The following GOLGA8A variants were observed in gnomAD, a reference collection of about 807,000 sequenced individuals.
GOLGA8A encodes golgin subfamily A member 8A.
GOLGA8A carries 3 observed loss-of-function variants against 22.1 expected under a neutral mutation model. The ratio of observed to expected loss-of-function variants is 0.14; its 90% CI spans 0.06 to 0.35. GOLGA8A has a LOEUF of 0.35. GOLGA8A is among the 10% of genes least tolerant of loss of function. The probability of loss-of-function intolerance (pLI) is 1.00; values close to 1 mark genes in which losing one functional copy is unlikely to be tolerated. For missense variants in GOLGA8A, 16 were observed against 233.2 expected, an observed-to-expected ratio of 0.07 and a Z score of 6.07; for synonymous variants, 7 against 91.7, an observed-to-expected ratio of 0.08 and a Z score of 5.28.
chr15:34,431,442 T>C (rs1324818669), intron 2 of GOLGA8A, among the ~76,000 whole-genome samples: 2 of 146,846 alleles, frequency 1.4e-5, no homozygotes, highest in Non-Finnish European at 3.0e-5. Flanking sequence ...CAGGGATGTA[T>C]TCTGAGAAAT....
intron 2 of GOLGA8A, chr15:34,418,510 T>C (rs1892664700): frequency 6.9e-6 from 1 of 144,048 alleles, no homozygotes; most frequent in African/African-American, 2.5e-5. Flanking sequence ...AGGAAAAGGG[T>C]GTGAGGTCTT....
rs1180599815 is a variant in GOLGA8A, at chr15:34,420,550, C to T, written c.-1122-12815G>A. Reference sequence around the variant, plus strand: ...GAGGATGGAGGTGTCACTGCAAATGCGTAAGAGGATATTTTCAGCAATAGT... The same window carrying T: ...GAGGATGGAGGTGTCACTGCAAATGTGTAAGAGGATATTTTCAGCAATAGT... On this transcript the variant is annotated intron_variant, in intron 2 of 24. Coordinates refer to ENST00000359187, the MANE Select transcript of GOLGA8A (RefSeq NM_181077.5). 1.1e-4 allele frequency among the ~76,000 whole-genome samples: 15 copies of T among 137,464 alleles called. 1 individual carries two copies. The highest frequency in any genetic ancestry group is 4.1e-4 in the African/African-American group (15 of 36,700). 90.2% of individuals were successfully genotyped at this position (137,464 alleles called of 152,430 possible).
chr15:34,418,826 G>T, intron 2 of GOLGA8A: 1 of 146,810 alleles, frequency 6.8e-6, no homozygotes. Flanking sequence ...AGGCGGTTGA[G>T]TTTAGCCCCA....
intron 1 of GOLGA8A, among the ~76,000 whole-genome samples, chr15:34,435,995 TG>T (rs1275664402): frequency 6.7e-6 from 1 of 149,116 alleles, no homozygotes; most frequent in Non-Finnish European, 1.5e-5. Flanking sequence ...GCCCAGGCTG[TG>T]GGGGAAGGCA....
chr15:34,417,898 T>C (rs1348893097), intron 2 of GOLGA8A: 1 of 142,994 alleles, frequency 7.0e-6, no homozygotes, highest in Non-Finnish European at 1.5e-5. Flanking sequence ...TGATGGGAGG[T>C]GCTATTGGCA....
chr15:34,430,108 AC>A lies in GOLGA8A; in HGVS notation c.-1123+5274del. On this transcript the variant is annotated intron_variant, in intron 2 of 24. Coordinates refer to ENST00000359187, the MANE Select transcript of GOLGA8A (RefSeq NM_181077.5). ...CACCAGTCCTCAGTGCTGATTAAGC[AC>A]AGGCACGCCTGTGATCAAGAAGAAA... 1.3e-5 allele frequency among the ~76,000 whole-genome samples: 2 copies of A among 148,378 alleles called. 1 individual carries two copies. Among genetic ancestry groups the A allele is most frequent in the East Asian group, 4.0e-4 (2 of 5,012 alleles).
chr15:34,423,386 G>A (rs1267724493), intron 2 of GOLGA8A, among the ~76,000 whole-genome samples: 7 of 136,390 alleles, frequency 5.1e-5, no homozygotes, highest in Non-Finnish European at 1.6e-5. Flanking sequence ...CATAAGATGA[G>A]AAAATGATGC....
chr15:34,381,189 A>C lies in GOLGA8A; in HGVS notation c.*222T>G, dbSNP rs1891469798. On this transcript the variant is annotated 3_prime_UTR_variant, in exon 25 of 25. Coordinates refer to ENST00000359187, the MANE Select transcript of GOLGA8A (RefSeq NM_181077.5). ...TGACCTACAATTATGAAATGAAAAA[A>C]GAAAAATGCTGAAGGATGCCAGAGT... is the stretch of plus-strand genomic sequence containing the variant. 1 of 790,650 alleles carries C rather than the reference A, an allele frequency of 1.3e-6. No individual in the cohort carries two copies. The highest frequency in any genetic ancestry group is 1.7e-5 in the African/African-American group (1 of 57,816). The allele number at this position is 790,650 out of a possible 1,614,324, so 49.0% of individuals were successfully genotyped here.
intron 2 of GOLGA8A, among the ~76,000 whole-genome samples, chr15:34,434,287 C>T (rs573383955): frequency 6.7e-6 from 1 of 149,768 alleles, no homozygotes; most frequent in Non-Finnish European, 1.5e-5. Flanking sequence ...GGTGACACAC[C>T]TGGCCTGGGC....
In GOLGA8A at chr15:34,381,190, G is replaced by C. The variant is rs1469930279; in HGVS notation, c.*221C>G. On this transcript the variant is annotated 3_prime_UTR_variant, in exon 25 of 25. Transcript: ENST00000359187. ...GACCTACAATTATGAAATGAAAAAA[G>C]AAAAATGCTGAAGGATGCCAGAGTG... The C allele has an allele frequency of 2.1e-5, 17 of 804,214 alleles. No individual in the cohort carries two copies. In the South Asian group the frequency reaches 2.4e-4, roughly 11 times the overall value. The allele number at this position is 804,214 out of a possible 1,614,324, so 49.8% of individuals were successfully genotyped here.
At chr15:34,432,722 A>AT (rs1049824648) in intron 2 of GOLGA8A, among the ~76,000 whole-genome samples, 2 of 148,842 alleles carry the variant, frequency 1.3e-5, no homozygotes, top group Admixed American at 6.8e-5. Flanking sequence ...TCAACCACGT[A>AT]TTTTTTCTCT....
rs1243549993 is a variant in GOLGA8A at position 34,428,111 on chromosome 15, AG to A, written c.-1123+7271del. Among the ~76,000 whole-genome samples, 17 of 141,722 alleles carry A rather than the reference AG, an allele frequency of 1.2e-4. 2 individuals carry two copies. In the Admixed American group the frequency reaches 1.2e-3, roughly 10 times the overall value. 93.0% of individuals were successfully genotyped at this position (141,722 alleles called of 152,430 possible). On this transcript the variant is annotated intron_variant, in intron 2 of 24. Coordinates refer to ENST00000359187, the MANE Select transcript of GOLGA8A (RefSeq NM_181077.5). ...AATCAGACTTCTTTTTTTTTTTTTG[AG>A]AGAGAGAAGTTCTCACTCTGTCACC...
In GOLGA8A at chr15:34,436,624, G is replaced by C. The variant is rs924243309; in HGVS notation, c.-1212+774C>G. Among the ~76,000 whole-genome samples the C allele has an allele frequency of 2.8e-4, 42 of 150,044 alleles. 1 individual carries two copies. Among genetic ancestry groups the C allele is most frequent in the African/African-American group, 1.0e-3 (41 of 40,750 alleles). On this transcript the variant is annotated intron_variant, in intron 1 of 24. Transcript: ENST00000359187. ...CCGCACCCTCCCTCCGCGTCGGCCCGGAGAAAAGGAAGTTCGCCCCTAGCC... is the reference window on the plus strand; with the variant it reads ...CCGCACCCTCCCTCCGCGTCGGCCCCGAGAAAAGGAAGTTCGCCCCTAGCC...
At chr15:34,431,345 A>ATCTCTCTCTCTCTCTCTCTC (rs1232402619) in intron 2 of GOLGA8A, among the ~76,000 whole-genome samples, 3 of 130,530 alleles carry the variant, frequency 2.3e-5, no homozygotes, top group African/African-American at 9.2e-5. Context: ...ATATATATAT[A>ATCTCTCTCTCTCTCTCTCTC]TCTCACACAC....
chr15:34,429,278 C>T (rs1303882319), intron 2 of GOLGA8A, among the ~76,000 whole-genome samples: 3 of 146,544 alleles, frequency 2.0e-5, no homozygotes, highest in Non-Finnish European at 4.5e-5. Context: ...ACCTACTTTG[C>T]TCCCAACCCA....
At position 34,430,701 on chromosome 15, in the gene GOLGA8A, C is replaced by T. The variant is rs62014615; in HGVS notation, c.-1123+4682G>A. 7.1e-5 allele frequency among the ~76,000 whole-genome samples: 10 copies of T among 141,388 alleles called. 1 individual carries two copies. Among genetic ancestry groups the T allele is most frequent in the African/African-American group, 1.0e-4 (4 of 39,274 alleles). 92.8% of individuals were successfully genotyped at this position (141,388 alleles called of 152,430 possible). A position where few individuals can be genotyped will look rare whatever the true frequency, so the allele number is the denominator to read the frequency against. ...CTAACCCTGGTGACTGCACTGACTGCGTGCTTTACTGTAGCAGAACAGTTG... is the reference window on the plus strand; with the variant it reads ...CTAACCCTGGTGACTGCACTGACTGTGTGCTTTACTGTAGCAGAACAGTTG... On this transcript the variant is annotated intron_variant, in intron 2 of 24. Transcript: ENST00000359187.
At position 34,437,462 on chromosome 15, in the gene GOLGA8A, CCGCCGTCCT is replaced by C. The variant is rs1369598871; in HGVS notation, c.-1285_-1277del. On this transcript the variant is annotated 5_prime_UTR_variant, in exon 1 of 25. Transcript: ENST00000359187. Reference sequence around the variant, plus strand: ...TCGCCGCGCCGCCGTCCTCGCCGCGCCGCCGTCCTCGCCGCGCCGCCGTCCTCGCCGCGC... The same window carrying C: ...TCGCCGCGCCGCCGTCCTCGCCGCGCCGCCGCGCCGCCGTCCTCGCCGCGC... 7.8e-6 allele frequency: 1 copy of C among 127,776 alleles called. No individual in the cohort carries two copies. Among genetic ancestry groups the C allele is most frequent in the Non-Finnish European group, 1.7e-5 (1 of 58,478 alleles). The allele number at this position is 127,776 out of a possible 1,614,324, so 7.9% of individuals were successfully genotyped here.
Position 34,400,722 on chromosome 15 carries a change from C to T in GOLGA8A, c.-537G>A, listed in dbSNP as rs1258912096. The T allele has an allele frequency of 1.0e-4, 15 of 146,564 alleles. 1 individual carries two copies. The highest frequency in any genetic ancestry group is 1.9e-4 in the Non-Finnish European group (12 of 64,724). The allele number at this position is 146,564 out of a possible 1,614,324, so 9.1% of individuals were successfully genotyped here. A position where few individuals can be genotyped will look rare whatever the true frequency, so the allele number is the denominator to read the frequency against. Reference sequence around the variant, plus strand: ...TCAGGCAATACATACCGGATTCATACTTCAGGAAGACAACCCAGTTGACAA... The same window carrying T: ...TCAGGCAATACATACCGGATTCATATTTCAGGAAGACAACCCAGTTGACAA... On this transcript the variant is annotated 5_prime_UTR_variant, in exon 6 of 25. Transcript: ENST00000359187.
At chr15:34,420,600 T>C (rs1164552038) in intron 2 of GOLGA8A, among the ~76,000 whole-genome samples, 5 of 130,294 alleles carry the variant, frequency 3.8e-5, no homozygotes, top group African/African-American at 1.5e-4. Context: ...ATTTTAGAAA[T>C]GAAAGGGTTC....
Sources: gnomAD v4.1 joint callset for allele counts (sites outside exome capture counted in the v4.1 genomes callset) on GRCh38, gnomAD v4.1.1 for gene constraint, MANE v1.5 for transcripts, NCBI Gene and HGNC (gene_info 2026-07-23, HGNC 2026-07-21) for gene names.